PDE4D: variants seen among roughly 807,000 people sequenced by gnomAD.
PDE4D encodes the protein 3',5'-cyclic-AMP phosphodiesterase 4D.
A neutral mutation model predicts 87.4 loss-of-function variants in PDE4D; 24 were observed. The ratio of observed to expected loss-of-function variants is 0.27; its 90% CI spans 0.20 to 0.39. The LOEUF is 0.39. Among genes scored for constraint, PDE4D ranks in the 10% least tolerant of loss-of-function variants. The pLI is 1.00. For synonymous variants in PDE4D, 384 were observed against 383.2 expected, an observed-to-expected ratio of 1.00 and a Z score of -0.02; for missense variants, 714 against 1,041.0, an observed-to-expected ratio of 0.69 and a Z score of 4.32.
chr5:59,373,189 A>G (rs1784205843), intron 1 of PDE4D, among the ~76,000 whole-genome samples: 2 of 152,190 alleles, frequency 1.3e-5, no homozygotes, highest in South Asian at 4.1e-4. Flanking sequence ...GATGGCTGAA[A>G]TGACAGAAAT....
chr5:59,802,772 G>C (rs1354696473), intron 1 of PDE4D, among the ~76,000 whole-genome samples: 1 of 152,122 alleles, frequency 6.6e-6, no homozygotes, highest in East Asian at 1.9e-4. Flanking sequence ...ACATGCAGGT[G>C]AGAAGCAGGG....
chr5:59,240,878 T>C (rs528164817), intron 1 of PDE4D, among the ~76,000 whole-genome samples: 2 of 152,136 alleles, frequency 1.3e-5, no homozygotes, highest in Non-Finnish European at 2.9e-5. Context: ...TGGAGTTAGA[T>C]AACCTGGCCT....
chr5:60,147,889 G>A (rs1022468784), intron 2 of PDE4D: 2 of 424,288 alleles, frequency 4.7e-6, no homozygotes, highest in African/African-American at 4.1e-5. Context: ...ATTGGAGAAA[G>A]AGAAACTGTA....
chr5:59,271,307 G>A (rs2153541300), intron 1 of PDE4D, among the ~76,000 whole-genome samples: 1 of 152,194 alleles, frequency 6.6e-6, no homozygotes, highest in South Asian at 2.1e-4. Context: ...CTAAATTGCA[G>A]GTATTACAGG....
At chr5:59,967,355 A>C (rs1760156507) in intron 3 of PDE4D, among the ~76,000 whole-genome samples, 1 of 152,180 alleles carries the variant, frequency 6.6e-6, no homozygotes, top group South Asian at 2.1e-4. Context: ...TATATTTGCA[A>C]ACTATGCATA....
intron 1 of PDE4D, among the ~76,000 whole-genome samples, chr5:60,325,749 A>T (rs1756725335): frequency 6.6e-6 from 1 of 152,160 alleles, no homozygotes. Context: ...AAGATATAAA[A>T]CAGTTCCATT....
At chr5:59,501,736 CTGAT>C (rs1389607238) in intron 1 of PDE4D, among the ~76,000 whole-genome samples, 1 of 152,056 alleles carries the variant, frequency 6.6e-6, no homozygotes, top group Non-Finnish European at 1.5e-5. Context: ...GTGATGGTGA[CTGAT>C]TGGAGACACT....
chr5:60,256,983 G>A (rs1037019494), intron 1 of PDE4D, among the ~76,000 whole-genome samples: 1 of 151,810 alleles, frequency 6.6e-6, no homozygotes, highest in African/African-American at 2.4e-5. Flanking sequence ...ATGTTAATTA[G>A]CTGGAATGTA....
At chr5:59,649,107 C>A (rs568834716) in intron 1 of PDE4D, among the ~76,000 whole-genome samples, 2 of 152,314 alleles carry the variant, frequency 1.3e-5, no homozygotes, top group Admixed American at 1.3e-4. Flanking sequence ...AACCTGAAAA[C>A]AGGGCAGCCG....
chr5:59,218,088 A>G (rs770064552), intron 1 of PDE4D: 2 of 383,850 alleles, frequency 5.2e-6, no homozygotes, highest in Non-Finnish European at 1.0e-5. Context: ...AAACTTCTAA[A>G]TAGTGGGGGT....
intron 1 of PDE4D, among the ~76,000 whole-genome samples, chr5:59,595,825 T>C (rs1826596519): frequency 6.6e-6 from 1 of 152,032 alleles, no homozygotes; most frequent in Non-Finnish European, 1.5e-5. Flanking sequence ...AAGTAGTATA[T>C]CGCTGCATAT....
At chr5:59,621,356 A>G (rs562819913) in intron 1 of PDE4D, among the ~76,000 whole-genome samples, 3 of 152,326 alleles carry the variant, frequency 2.0e-5, no homozygotes, top group Non-Finnish European at 4.4e-5. Flanking sequence ...GAGCACCTTC[A>G]TCTGAGATGC....
intron 2 of PDE4D, among the ~76,000 whole-genome samples, chr5:60,065,796 G>A (rs142850194): frequency 0.029 from 4,396 of 152,162 alleles, 205 homozygotes; most frequent in African/African-American, 0.1. Context: ...AGTATTCCAT[G>A]GTGTATATGT....
chr5:59,592,687 T>A (rs1826078094), intron 1 of PDE4D, among the ~76,000 whole-genome samples: 1 of 152,124 alleles, frequency 6.6e-6, no homozygotes, highest in Admixed American at 6.5e-5. Flanking sequence ...TTTTAATTTT[T>A]TTTTTGGAAG....
At chr5:59,600,392 G>A (rs1827329544) in intron 1 of PDE4D, among the ~76,000 whole-genome samples, 2 of 152,176 alleles carry the variant, frequency 1.3e-5, no homozygotes, top group South Asian at 2.1e-4. Context: ...AATGAGGAGA[G>A]TAAGTCTGAG....
At chr5:60,490,021 C>T (rs1266616804), upstream of PDE4D, 1 of 152,264 alleles carries the variant, frequency 6.6e-6, no homozygotes, top group Non-Finnish European at 1.5e-5. Context: ...CACCAGCAAC[C>T]ATCCGCAGTC....
At chr5:60,150,799 C>T (rs150489984) in intron 2 of PDE4D, among the ~76,000 whole-genome samples, 7 of 152,172 alleles carry the variant, frequency 4.6e-5, no homozygotes, top group East Asian at 3.9e-4. Context: ...GGCCTAACCC[C>T]GAAGGTTTGG....
chr5:60,492,133 A>G (rs1351570802), upstream of PDE4D, among the ~76,000 whole-genome samples: 1 of 152,054 alleles, frequency 6.6e-6, no homozygotes, highest in Non-Finnish European at 1.5e-5. Flanking sequence ...TTAAAAAAAA[A>G]AAAAAAAGAA....
intron 1 of PDE4D, among the ~76,000 whole-genome samples, chr5:59,673,664 T>G (rs1747594001): frequency 6.6e-6 from 1 of 152,192 alleles, no homozygotes; most frequent in Non-Finnish European, 1.5e-5. Flanking sequence ...GAAAATTACA[T>G]TTATGCATTT....
Sources: allele counts gnomAD v4.1 joint callset (sites outside exome capture counted in the v4.1 genomes callset), GRCh38; gene constraint gnomAD v4.1.1; transcripts MANE v1.5; gene names NCBI Gene and HGNC (gene_info 2026-07-23, HGNC 2026-07-21).